Variants in C2orf81 observed in about 807,000 individuals in gnomAD.
C2orf81 encodes chromosome 2 open reading frame 81, also known as uncharacterized protein C2orf81.
A neutral mutation model predicts 7.9 loss-of-function variants in C2orf81; 5 were observed. The ratio of observed to expected loss-of-function variants is 0.63; its 90% confidence interval spans 0.33 to 1.33. The LOEUF (loss-of-function observed/expected upper bound fraction) is 1.33, where lower values mean the gene tolerates loss of function less well. Ranked by LOEUF, C2orf81 falls within the 40% of genes most tolerant of loss-of-function variation. The pLI is 0.05. For missense variants in C2orf81, 781 were observed against 830.4 expected (o/e 0.94, Z 0.73); for synonymous variants, 346 against 367.4 (o/e 0.94, Z 0.66).
intron 1 of C2orf81, among the ~76,000 whole-genome samples, chr2:74,417,117 C>G (rs947943821): frequency 1.3e-5 from 2 of 152,206 alleles, no homozygotes; most frequent in African/African-American, 4.8e-5. Flanking sequence ...GCGCTGCTAG[C>G]AGCAGCAATG....
chr2:74,416,326 A>C, intron 1 of C2orf81, 85 bp from the exon 2 acceptor site: 2 of 1,013,898 alleles, frequency 2.0e-6, no homozygotes, highest in Non-Finnish European at 2.6e-6. Flanking sequence ...AAGCTTTCTC[A>C]AGTTGTCTAG....
intron 1 of C2orf81, among the ~76,000 whole-genome samples, chr2:74,419,106 G>A (rs538078709): frequency 2.6e-5 from 4 of 151,856 alleles, no homozygotes; most frequent in Non-Finnish European, 5.9e-5. Flanking sequence ...ACTTGAACCC[G>A]GGAGGCAGAG....
chr2:74,416,126 G>A lies in C2orf81; in HGVS notation c.134C>T (p.Ala45Val), dbSNP rs1676460480. 1.3e-6 allele frequency: 2 copies of A among 1,527,606 alleles called. No homozygotes were observed. The highest frequency in any genetic ancestry group is 2.7e-5 in the African/African-American group (2 of 72,798). 94.6% of individuals were successfully genotyped at this position (1,527,606 alleles called of 1,614,324 possible). The change falls in exon 2 of 3, where the codon GCC (alanine) becomes GTC (valine). Residue 45 changes from alanine to valine, a missense_variant. Physicochemically the swap from Ala to Val is moderately conservative, Grantham distance 64 (BLOSUM62 0). Coordinates refer to ENST00000684111, the MANE Select transcript of C2orf81 (RefSeq NM_001316764.3). ...GAGGGCTGTAAGCGCCATCCACTCG[G>A]CCTCACTGAGCCGCCCAGGCACAAT... ...VDIVPGRLSEAEWMALTALEE... is the reference protein window; with the variant it reads ...VDIVPGRLSEVEWMALTALEE...
intron 1 of C2orf81, among the ~76,000 whole-genome samples, chr2:74,419,688 A>G (rs532460931): frequency 6.6e-6 from 1 of 152,380 alleles, no homozygotes; most frequent in East Asian, 1.9e-4. Context: ...AATATTGAAA[A>G]CATGTCTTTA....
chr2:74,417,487 C>T, intron 1 of C2orf81: 1 of 1,268,252 alleles, frequency 7.9e-7, no homozygotes, highest in Non-Finnish European at 1.0e-6. Flanking sequence ...GGGACTCACA[C>T]CCCTCCCGCT....
chr2:74,417,325 T>C (rs999268066), intron 1 of C2orf81: 40 of 1,286,554 alleles, frequency 3.1e-5, no homozygotes, highest in Non-Finnish European at 4.0e-5. Flanking sequence ...CAAAGTAGGG[T>C]TGGGGGAGCA....
rs1402393985 is a variant in C2orf81 at position 74,415,314 on chromosome 2, G to GGGGGGCCTCC, written c.862_863insGGAGGCCCCC (p.Thr288ArgfsTer107). ...GAAGCCGAGGGGGTGTCCCCTCCCA[G>GGGGGGCCTCC]TTGAGGCCTGGGGGCTGGCTACCAG... On this transcript the variant is annotated frameshift_variant, in exon 3 of 3. Transcript: ENST00000684111. LOFTEE classifies it low-confidence loss of function (END_TRUNC). The surrounding 1 kb of genome is among the most constrained non-coding windows in gnomAD (Gnocchi z 5.5). The GGGGGGCCTCC allele has an allele frequency of 6.5e-7, 1 of 1,548,310 alleles. No individual in the cohort carries two copies. Among genetic ancestry groups the GGGGGGCCTCC allele is most frequent in the Non-Finnish European group, 8.7e-7 (1 of 1,145,174 alleles).
At position 74,414,478 on chromosome 2, in the gene C2orf81, G is replaced by A; in HGVS notation, c.1699C>T (p.Leu567=). ...MWKPVLLPEA[L]KLAPGVSMWN... ...ATGCTCACACCAGGGGCCAGCTTCA[G>A]GGCTTCTGGCAGCAACACGGGCTTC... Residue 567 remains leucine, a synonymous_variant, in exon 3 of 3, where the codon CTG becomes TTG. Coordinates refer to ENST00000684111, the MANE Select transcript of C2orf81 (RefSeq NM_001316764.3). The surrounding 1 kb of genome is among the most constrained non-coding windows in gnomAD (Gnocchi z 5.3). The A allele has an allele frequency of 6.4e-7, 1 of 1,551,048 alleles. No individual in the cohort carries two copies. Among genetic ancestry groups the A allele is most frequent in the Non-Finnish European group, 8.7e-7 (1 of 1,146,554 alleles).
chr2:74,414,391 C>T lies in C2orf81; in HGVS notation c.1786G>A (p.Gly596Ser), dbSNP rs1377829979. 2 of 1,536,354 alleles carry T rather than the reference C, an allele frequency of 1.3e-6. No individual in the cohort carries two copies. Among genetic ancestry groups the T allele is most frequent in the Admixed American group, 2.0e-5 (1 of 49,590 alleles). ...TGCTCAACGGGAGGAAAGGTGCTAC[C>T]TTCTTTGTCCTCTTGTTCAGGCACA... is the stretch of plus-strand genomic sequence containing the variant. ...SGVPEQEDKE[G>S]STFPPVEQHP... is the part of the protein sequence containing the mutation. The change falls in exon 3 of 3, where the codon GGT becomes AGT. Residue 596 changes from glycine (G) to serine (S), a missense_variant. Transcript: ENST00000684111. This position sits in a 1 kb window ranked among gnomAD's most constrained non-coding sequence, Gnocchi z 5.3.
intron 1 of C2orf81, among the ~76,000 whole-genome samples, chr2:74,418,707 T>TG (rs1231875529): frequency 6.6e-6 from 1 of 151,986 alleles, no homozygotes; most frequent in Non-Finnish European, 1.5e-5. Context: ...TACATTTTTT[T>TG]TTTTTAACCA....
At position 74,415,604 on chromosome 2, in the gene C2orf81, C is replaced by T. The variant is rs1020767551; in HGVS notation, c.573G>A (p.Val191=). ...PSAFPQDPGG[V]DRIPLGRSWM... ...ACGACCTTCCTAAAGGGATCCGGTC[C>T]ACGCCCCCAGGGTCCTGGGGAAATG... Residue 191 remains valine, a synonymous_variant, in exon 3 of 3, where the codon GTG becomes GTA. Transcript: ENST00000684111. The surrounding 1 kb of genome is among the most constrained non-coding windows in gnomAD (Gnocchi z 5.5). 10 of 1,551,104 alleles carry T rather than the reference C, an allele frequency of 6.4e-6. No individual in the cohort carries two copies. In the African/African-American group the frequency reaches 1.4e-4, roughly 21 times the overall value.
At chr2:74,417,490 C>T (rs1218216972) in intron 1 of C2orf81, 2 of 1,264,138 alleles carry the variant, frequency 1.6e-6, no homozygotes, top group Non-Finnish European at 2.1e-6. Context: ...ACTCACACCC[C>T]TCCCGCTTTC....
intron 1 of C2orf81, chr2:74,417,459 AC>A (rs1328364039): frequency 1.5e-6 from 2 of 1,306,774 alleles, no homozygotes; most frequent in Non-Finnish European, 2.0e-6. Flanking sequence ...GGCTGGGGCC[AC>A]TGCAAAGAGG....
At chr2:74,420,834 G>A (rs570318312) in intron 1 of C2orf81, among the ~76,000 whole-genome samples, 2 of 125,018 alleles carry the variant, frequency 1.6e-5, no homozygotes, top group East Asian at 2.8e-4. Context: ...AGGCTAGAGC[G>A]CAGTGGCGCG....
Position 74,415,602 on chromosome 2 carries a change from TC to T in C2orf81, c.574del (p.Asp192ThrfsTer5). ...CCACGACCTTCCTAAAGGGATCCGG[TC>T]CACGCCCCCAGGGTCCTGGGGAAAT... ...SAFPQDPGGV[D>X]RIPLGRSWMG... On this transcript the variant is annotated frameshift_variant, in exon 3 of 3. Coordinates refer to ENST00000684111, the MANE Select transcript of C2orf81 (RefSeq NM_001316764.3). LOFTEE classifies it low-confidence loss of function (END_TRUNC). This position sits in a 1 kb window ranked among gnomAD's most constrained non-coding sequence, Gnocchi z 5.5. 1 of 1,551,202 alleles carries T rather than the reference TC, an allele frequency of 6.4e-7. No homozygotes were observed. Among genetic ancestry groups the T allele is most frequent in the Non-Finnish European group, 8.7e-7 (1 of 1,146,974 alleles).
intron 1 of C2orf81, chr2:74,418,227 G>A (rs1306398145): frequency 5.1e-6 from 8 of 1,578,390 alleles, no homozygotes; most frequent in Middle Eastern, 2.3e-4. Context: ...TGGTTTTCCC[G>A]GTCTTGGCAG....
intron 1 of C2orf81, chr2:74,418,282 G>C (rs1676518597): frequency 6.2e-7 from 1 of 1,607,938 alleles, no homozygotes; most frequent in African/African-American, 1.3e-5. Flanking sequence ...AGGTCTCTTA[G>C]GTGTTGGCAC....
chr2:74,416,711 G>C (rs1287423063), intron 1 of C2orf81: 1 of 153,812 alleles, frequency 6.5e-6, no homozygotes, highest in African/African-American at 2.4e-5. Flanking sequence ...CCTTATACCA[G>C]AGCAAAGTGT....
chr2:74,418,460 C>G, intron 1 of C2orf81: 1 of 1,470,132 alleles, frequency 6.8e-7, no homozygotes, highest in Non-Finnish European at 9.5e-7. Flanking sequence ...TCTCTAAGGA[C>G]TAGTTGGAAA....
Sources: allele counts gnomAD v4.1 joint callset (sites outside exome capture counted in the v4.1 genomes callset), GRCh38; gene constraint gnomAD v4.1.1; non-coding constraint Gnocchi (gnomAD v3.1); transcripts MANE v1.5; gene names NCBI Gene and HGNC (gene_info 2026-07-23, HGNC 2026-07-21).